The following SC5D variants were observed in gnomAD, a reference collection of about 807,000 sequenced individuals.
SC5D encodes the protein lathosterol oxidase.
A neutral mutation model predicts 23.9 loss-of-function variants in SC5D; 21 were observed. The observed-to-expected ratio is 0.88, with a 90% CI of 0.62 to 1.26. SC5D has a LOEUF of 1.26. Among genes scored for constraint, SC5D ranks in the 50% most tolerant of loss-of-function variants. The pLI is 0.00. For missense variants in SC5D, 309 were observed against 364.8 expected (o/e 0.85, Z 1.25); for synonymous variants, 113 against 125.9 (o/e 0.90, Z 0.68).
rs571488824 is a variant in SC5D, at chr11:121,313,332, T to C, written c.*5820T>C. ...ATTGTAATATACCACAGTTGGTTTA[T>C]GTATTTGCTGATGAATATTTGTGTT... On this transcript the variant is annotated 3_prime_UTR_variant, in exon 5 of 5. Coordinates refer to ENST00000264027, the MANE Select transcript of SC5D (RefSeq NM_006918.5). Among the ~76,000 whole-genome samples the C allele has an allele frequency of 6.6e-6, 1 of 152,370 alleles. No individual in the cohort carries two copies. The highest frequency in any genetic ancestry group is 2.4e-5 in the African/African-American group (1 of 41,582).
intron 1 of SC5D, among the ~76,000 whole-genome samples, chr11:121,297,637 C>G (rs1007831888): frequency 1.3e-5 from 2 of 152,086 alleles, no homozygotes; most frequent in Non-Finnish European, 2.9e-5. Context: ...AATAGAAAAA[C>G]AGATCGTGGA....
intron 3 of SC5D, 107 bp from the exon 4 acceptor site, chr11:121,306,279 A>C (rs1188164051): frequency 7.0e-6 from 5 of 709,310 alleles, no homozygotes; most frequent in Non-Finnish European, 1.3e-5. Context: ...ATCATTTATA[A>C]TGTTTGAGTC....
intron 1 of SC5D, among the ~76,000 whole-genome samples, chr11:121,294,276 T>C (rs764883522): frequency 1.7e-4 from 26 of 152,220 alleles, no homozygotes; most frequent in African/African-American, 2.4e-4. Context: ...TAAAATTATA[T>C]GAGCTTGTAG....
In SC5D at chr11:121,310,165, A is replaced by T. The variant is rs758365341; in HGVS notation, c.*2653A>T. Among the ~76,000 whole-genome samples the T allele has an allele frequency of 3.8e-4, 58 of 152,222 alleles. No homozygotes were observed. The highest frequency in any genetic ancestry group is 5.7e-4 in the Non-Finnish European group (39 of 68,028). ...AGAGGAGGTCTGGGAGAAAGATGGA[A>T]ACTAGGGAGATGACTGAGAACAAAG... On this transcript the variant is annotated 3_prime_UTR_variant, in exon 5 of 5. Coordinates refer to ENST00000264027, the MANE Select transcript of SC5D (RefSeq NM_006918.5).
chr11:121,300,162 C>T (rs912248463), intron 1 of SC5D, among the ~76,000 whole-genome samples: 1 of 152,156 alleles, frequency 6.6e-6, no homozygotes, highest in African/African-American at 2.4e-5. Context: ...TTGTCAGAAT[C>T]AGCTTTTTTA....
chr11:121,312,260 A>G lies in SC5D; in HGVS notation c.*4748A>G, dbSNP rs1214124083. 6.6e-6 allele frequency among the ~76,000 whole-genome samples: 1 copy of G among 152,160 alleles called. No individual in the cohort carries two copies. The highest frequency in any genetic ancestry group is 1.5e-5 in the Non-Finnish European group (1 of 68,006). Reference sequence around the variant, plus strand: ...AAGCAGGCTTTTGGTATGGGAAGAAAAATACTTATAAATACTTGTTTTAAT... The same window carrying G: ...AAGCAGGCTTTTGGTATGGGAAGAAGAATACTTATAAATACTTGTTTTAAT... On this transcript the variant is annotated 3_prime_UTR_variant, in exon 5 of 5. Transcript: ENST00000264027.
chr11:121,299,277 G>A (rs1322138718), intron 1 of SC5D, among the ~76,000 whole-genome samples: 1 of 152,194 alleles, frequency 6.6e-6, no homozygotes, highest in Non-Finnish European at 1.5e-5. Context: ...CCTGGCCCAT[G>A]ACCAATGTCT....
Position 121,303,481 on chromosome 11 carries a change from A to T in SC5D, c.106A>T (p.Ile36Phe), listed in dbSNP as rs1947940226. The change falls in exon 2 of 5, where the codon ATT becomes TTT. Residue 36 changes from isoleucine (I) to phenylalanine (F), a missense_variant. By Grantham distance (21) the Ile-to-Phe change is conservative. Transcript: ENST00000264027. ...CTTCCGACAAGCTATTAGTCTTCTGATTGTAACAAATGTTGGTGCTTACAT... is the reference window on the plus strand; with the variant it reads ...CTTCCGACAAGCTATTAGTCTTCTGTTTGTAACAAATGTTGGTGCTTACAT... The part of the protein sequence containing the change: ...DIFRQAISLL[I>F]VTNVGAYILY... 1.1e-5 allele frequency: 17 copies of T among 1,613,740 alleles called. No individual in the cohort carries two copies. The highest frequency in any genetic ancestry group is 1.4e-5 in the Non-Finnish European group (17 of 1,179,882).
chr11:121,295,991 A>G (rs773581222), intron 1 of SC5D, among the ~76,000 whole-genome samples: 5 of 152,216 alleles, frequency 3.3e-5, no homozygotes, highest in Non-Finnish European at 7.3e-5. Context: ...TACCACAGGA[A>G]CAACCAAACT....
chr11:121,299,306 C>G (rs1300252085), intron 1 of SC5D, among the ~76,000 whole-genome samples: 1 of 152,110 alleles, frequency 6.6e-6, no homozygotes, highest in Non-Finnish European at 1.5e-5. Context: ...CCTGATAGGC[C>G]CTTCTCTTTA....
intron 3 of SC5D, 74 bp downstream of exon 3, chr11:121,304,567 C>A: frequency 1.5e-6 from 2 of 1,311,800 alleles, no homozygotes; most frequent in Admixed American, 1.9e-5. Context: ...AACAAGTCTG[C>A]CCTTTTTTTT....
chr11:121,304,283 C>A, intron 2 of SC5D, 78 bp from the exon 3 acceptor site: 1 of 1,367,406 alleles, frequency 7.3e-7, no homozygotes, highest in Non-Finnish European at 1.0e-6. Context: ...TTTTAAAAAT[C>A]CAGTCCAGAA....
Position 121,307,438 on chromosome 11 carries a change from A to G in SC5D, c.826A>G (p.Lys276Glu), listed in dbSNP as rs751763860. 6.2e-7 allele frequency: 1 copy of G among 1,610,964 alleles called. No homozygotes were observed. Among genetic ancestry groups the G allele is most frequent in the African/African-American group, 1.3e-5 (1 of 74,818 alleles). The change falls in exon 5 of 5, where the codon AAG (lysine) becomes GAG (glutamate). Residue 276 changes from lysine (K) to glutamate (E), a missense_variant. Coordinates refer to ENST00000264027, the MANE Select transcript of SC5D (RefSeq NM_006918.5). ...LSYVKEMTEG[K>E]RSSHSGNGCK... ...TTATGTGAAGGAGATGACAGAGGGAAAGCGCAGCAGCCATTCAGGAAATGG... is the reference window on the plus strand; with the variant it reads ...TTATGTGAAGGAGATGACAGAGGGAGAGCGCAGCAGCCATTCAGGAAATGG...
intron 1 of SC5D, among the ~76,000 whole-genome samples, chr11:121,296,816 C>T (rs1190868905): frequency 6.6e-6 from 1 of 152,064 alleles, no homozygotes; most frequent in Non-Finnish European, 1.5e-5. Flanking sequence ...TTTTTCTTTT[C>T]CTGACAAAGT....
chr11:121,297,477 A>G (rs1158221200), intron 1 of SC5D, among the ~76,000 whole-genome samples: 1 of 152,218 alleles, frequency 6.6e-6, no homozygotes, highest in African/African-American at 2.4e-5. Flanking sequence ...TCGGCTCTCA[A>G]AATCATTTGA....
At chr11:121,294,358 CAGA>C (rs1947874469) in intron 1 of SC5D, among the ~76,000 whole-genome samples, 1 of 152,050 alleles carries the variant, frequency 6.6e-6, no homozygotes, top group Non-Finnish European at 1.5e-5. Context: ...TAGAACTTGG[CAGA>C]AGTTCACGTA....
chr11:121,303,319 A>G, intron 1 of SC5D, 47 bp from the exon 2 acceptor site: 5 of 1,567,146 alleles, frequency 3.2e-6, no homozygotes, highest in East Asian at 2.2e-5. Flanking sequence ...TTTTGCCTGG[A>G]AAAATAGAGA....
In SC5D at chr11:121,306,973, G is replaced by T. The variant is rs1304321162; in HGVS notation, c.445-84G>T. On this transcript the variant is annotated intron_variant, in intron 4 of 4. Coordinates refer to ENST00000264027, the MANE Select transcript of SC5D (RefSeq NM_006918.5). ...TGATCTCTACAGGATTTGTTAGGTT[G>T]TTTCCAACATGAGTGTGAGAAGCTA... The T allele has an allele frequency of 4.4e-6, 5 of 1,140,700 alleles. No homozygotes were observed. The African/African-American group carries it at 7.6e-5, about 17-fold the overall frequency. The allele number at this position is 1,140,700 out of a possible 1,614,324, so 70.7% of individuals were successfully genotyped here.
chr11:121,300,509 C>G (rs1007100304), intron 1 of SC5D, among the ~76,000 whole-genome samples: 3 of 152,120 alleles, frequency 2.0e-5, no homozygotes, highest in African/African-American at 7.2e-5. Flanking sequence ...TCATCCTGTC[C>G]CAGGGTGTTT....
Sources: allele counts gnomAD v4.1 joint callset (sites outside exome capture counted in the v4.1 genomes callset), GRCh38; gene constraint gnomAD v4.1.1; transcripts MANE v1.5; gene names NCBI Gene and HGNC (gene_info 2026-07-23, HGNC 2026-07-21).